The following ZNF284 variants were observed in gnomAD, a reference collection of about 807,000 sequenced individuals.
ZNF284 encodes the protein zinc finger protein 284.
Under a neutral mutation model 12.9 loss-of-function variants are expected in ZNF284, and 12 were observed. The ratio of observed to expected loss-of-function variants is 0.93; its 90% confidence interval spans 0.60 to 1.51. ZNF284 has a LOEUF of 1.51. ZNF284 is among the 40% of genes most tolerant of loss of function. The pLI is 0.00. For synonymous variants in ZNF284, 225 were observed against 236.5 expected (o/e 0.95, Z 0.45); for missense variants, 667 against 707.3 (o/e 0.94, Z 0.65).
intron 2 of ZNF284, among the ~76,000 whole-genome samples, chr19:44,077,535 C>CTTT (rs763788955): frequency 7.9e-5 from 6 of 76,202 alleles, no homozygotes; most frequent in South Asian, 4.8e-4. Flanking sequence ...ATTTTTCTGT[C>CTTT]TTTTTTTTTT....
Position 44,084,927 on chromosome 19 carries a change from C to T in ZNF284, c.236-787C>T, listed in dbSNP as rs564398909. 1.7e-4 allele frequency among the ~76,000 whole-genome samples: 26 copies of T among 152,250 alleles called. 1 individual carries two copies. In the East Asian group the frequency reaches 4.5e-3, roughly 26 times the overall value. On this transcript the variant is annotated intron_variant, in intron 4 of 4. Transcript: ENST00000421176. ...TGCCATTGCATGGACTCCAGGTAGC[C>T]CCCTGTGCTAGTCTCAGGGCCCACA...
intron 2 of ZNF284, among the ~76,000 whole-genome samples, chr19:44,078,433 TTTAA>T (rs1967068063): frequency 6.6e-6 from 1 of 152,216 alleles, no homozygotes; most frequent in Non-Finnish European, 1.5e-5. Context: ...TTTTTGACAC[TTTAA>T]TTTTCATTTG....
intron 1 of ZNF284, among the ~76,000 whole-genome samples, chr19:44,075,449 T>C (rs1434297824): frequency 2.0e-5 from 3 of 152,224 alleles, no homozygotes; most frequent in Admixed American, 6.5e-5. Flanking sequence ...AGATGTCCTT[T>C]TCATTGCAAC....
intron 4 of ZNF284, chr19:44,085,290 G>A (rs1967211967): frequency 6.2e-6 from 1 of 160,466 alleles, no homozygotes; most frequent in Non-Finnish European, 1.4e-5. Flanking sequence ...CATATGTGCT[G>A]CTGAAGTGAG....
At chr19:44,076,484 A>C (rs1967029607) in intron 2 of ZNF284, 80 bp downstream of exon 2, 1 of 1,485,988 alleles carries the variant, frequency 6.7e-7, no homozygotes. Flanking sequence ...CGGTCTTGGG[A>C]AGACTCAAGG....
chr19:44,086,193 A>G lies in ZNF284; in HGVS notation c.715A>G (p.Ser239Gly). The change falls in exon 5 of 5, where the codon AGT becomes GGT. Residue 239 changes from serine to glycine, a missense_variant. Transcript: ENST00000421176. ...ATTCAAATGTGAGCAGTGTGGGAAA[A>G]GTTTCAGCCGTAGATCAGGAATGTA... Reference protein sequence around the residue: ...KPFKCEQCGKSFSRRSGMYVH... With the variant: ...KPFKCEQCGKGFSRRSGMYVH... 6.2e-7 allele frequency: 1 copy of G among 1,614,196 alleles called. No individual in the cohort carries two copies. The highest frequency in any genetic ancestry group is 8.5e-7 in the Non-Finnish European group (1 of 1,180,028).
rs1967234482 is a variant in ZNF284, at chr19:44,086,050, G to A, written c.572G>A (p.Cys191Tyr). 6.2e-7 allele frequency: 1 copy of A among 1,614,128 alleles called. No individual in the cohort carries two copies. The highest frequency in any genetic ancestry group is 1.3e-5 in the African/African-American group (1 of 75,044). ...AGATTCTGTTATAGCTCAGCTCTTT[G>A]TCTTCATCAGAAAGTTCACATGGGA... ...RKRFCYSSAL[C>Y]LHQKVHMGEK... Residue 191 changes from cysteine (C) to tyrosine (Y), a missense_variant, in exon 5 of 5, where the codon TGT becomes TAT. Physicochemically the swap from Cys to Tyr is radical, Grantham distance 194. Transcript: ENST00000421176.
chr19:44,083,474 T>TATATATATATATATATATAGAGAG (rs746837013), intron 4 of ZNF284, among the ~76,000 whole-genome samples: 3 of 64,924 alleles, frequency 4.6e-5, no homozygotes, highest in African/African-American at 1.5e-4. Context: ...TATATATATA[T>TATATATATATATATATATAGAGAG]AGAGAGAGAG....
chr19:44,087,822 C>CAATG lies in ZNF284; in HGVS notation c.*563_*566dup, dbSNP rs1967289397. On this transcript the variant is annotated 3_prime_UTR_variant, in exon 5 of 5. Coordinates refer to ENST00000421176, the MANE Select transcript of ZNF284 (RefSeq NM_001037813.4). ...TCGCTCTGTCGCCCAGTATGGAGTGCAATGGCTTGATCTCGGCTCACTGCA... is the reference window on the plus strand; with the variant it reads ...TCGCTCTGTCGCCCAGTATGGAGTGCAATGAATGGCTTGATCTCGGCTCACTGCA... 6.8e-6 allele frequency: 1 copy of CAATG among 146,778 alleles called. No homozygotes were observed. The highest frequency in any genetic ancestry group is 2.5e-5 in the African/African-American group (1 of 39,272). 9.1% of individuals were successfully genotyped at this position (146,778 alleles called of 1,614,324 possible).
Position 44,087,284 on chromosome 19 carries a change from C to T in ZNF284, c.*24C>T, listed in dbSNP as rs1459320044. On this transcript the variant is annotated 3_prime_UTR_variant, in exon 5 of 5. Transcript: ENST00000421176. ...AATTATTGTCCATATTTATGGGTTA[C>T]AGCATATTTCAATACATGTATACAA... is the stretch of plus-strand genomic sequence containing the variant. The T allele has an allele frequency of 8.3e-6, 12 of 1,446,466 alleles. No individual in the cohort carries two copies. The highest frequency in any genetic ancestry group is 1.1e-5 in the Non-Finnish European group (12 of 1,079,412). 89.6% of individuals were successfully genotyped at this position (1,446,466 alleles called of 1,614,324 possible). A position where few individuals can be genotyped will look rare whatever the true frequency, so the allele number is the denominator to read the frequency against.
At chr19:44,083,472 T>TAGAGAGAGAG (rs1435032212) in intron 4 of ZNF284, among the ~76,000 whole-genome samples, 6 of 64,608 alleles carry the variant, frequency 9.3e-5, no homozygotes, top group East Asian at 6.7e-4. Flanking sequence ...TATATATATA[T>TAGAGAGAGAG]ATAGAGAGAG....
intron 1 of ZNF284, 30 bp downstream of exon 1, chr19:44,072,321 T>TTCTTGTCAGCGGAGCCTTCTTGG (rs1335853120): frequency 6.6e-6 from 1 of 152,178 alleles, no homozygotes; most frequent in Non-Finnish European, 1.5e-5. Context: ...TCTCTTTTCG[T>TTCTTGTCAGCGGAGCCTTCTTGG]TCTTGTCAGC....
At position 44,087,381 on chromosome 19, in the gene ZNF284, C is replaced by T. The variant is rs1967279339; in HGVS notation, c.*121C>T. 5 of 848,266 alleles carry T rather than the reference C, an allele frequency of 5.9e-6. No homozygotes were observed. The highest frequency in any genetic ancestry group is 8.5e-6 in the Non-Finnish European group (5 of 586,654). 52.5% of individuals were successfully genotyped at this position (848,266 alleles called of 1,614,324 possible). A position where few individuals can be genotyped will look rare whatever the true frequency, so the allele number is the denominator to read the frequency against. On this transcript the variant is annotated 3_prime_UTR_variant, in exon 5 of 5. Coordinates refer to ENST00000421176, the MANE Select transcript of ZNF284 (RefSeq NM_001037813.4). ...TATCATTTATTTGTGGATCATTTAT[C>T]ATTTCTTTGTGCTTTGAACGTTCAA...
At position 44,088,500 on chromosome 19, in the gene ZNF284, T is replaced by C. The variant is rs1967299572; in HGVS notation, c.*1240T>C. On this transcript the variant is annotated 3_prime_UTR_variant, in exon 5 of 5. Transcript: ENST00000421176. ...ACTATAATAAATATAGGAGTGCAGA[T>C]AGGAGTTCAACACACTGATTTCCTT... is the stretch of plus-strand genomic sequence containing the variant. 6.6e-6 allele frequency: 1 copy of C among 152,214 alleles called. No homozygotes were observed. Among genetic ancestry groups the C allele is most frequent in the Non-Finnish European group, 1.5e-5 (1 of 68,044 alleles). 9.4% of individuals were successfully genotyped at this position (152,214 alleles called of 1,614,324 possible).
In ZNF284 at chr19:44,089,226, A is replaced by G. The variant is rs1318433256; in HGVS notation, c.*1966A>G. On this transcript the variant is annotated 3_prime_UTR_variant, in exon 5 of 5. Transcript: ENST00000421176. ...CCTATAGCCTCGAACTCCTGGGCCTAAGTGATCCTCTTGCTTCAATCCCCT... is the reference window on the plus strand; with the variant it reads ...CCTATAGCCTCGAACTCCTGGGCCTGAGTGATCCTCTTGCTTCAATCCCCT... The G allele has an allele frequency of 1.3e-5, 2 of 151,932 alleles. No individual in the cohort carries two copies. Among genetic ancestry groups the G allele is most frequent in the African/African-American group, 4.8e-5 (2 of 41,328 alleles). The allele number at this position is 151,932 out of a possible 1,614,324, so 9.4% of individuals were successfully genotyped here.
chr19:44,079,706 CA>C (rs888480023), intron 2 of ZNF284, among the ~76,000 whole-genome samples: 16 of 149,958 alleles, frequency 1.1e-4, no homozygotes, highest in Admixed American at 9.3e-4. Flanking sequence ...GACTCCATCT[CA>C]AAAAAAACAA....
intron 2 of ZNF284, among the ~76,000 whole-genome samples, chr19:44,080,447 A>G (rs1351084643): frequency 6.6e-6 from 1 of 152,146 alleles, no homozygotes; most frequent in East Asian, 1.9e-4. Flanking sequence ...TTAGCTGGGC[A>G]TGGTGGCAGG....
In ZNF284 at chr19:44,087,220, AT is replaced by A; in HGVS notation, c.1743del (p.Leu582Ter). ...GGGAAGCGCTACGAGAGGCGCTTGA[AT>A]CTAGATATGATTTTATCATTATTTT... ...DCGKRYERRL[N>X]LDMILSLFLN... On this transcript the variant is annotated frameshift_variant, in exon 5 of 5. Coordinates refer to ENST00000421176, the MANE Select transcript of ZNF284 (RefSeq NM_001037813.4). LOFTEE classifies it high-confidence loss of function. The A allele has an allele frequency of 6.3e-7, 1 of 1,593,832 alleles. No individual in the cohort carries two copies. The highest frequency in any genetic ancestry group is 1.8e-5 in the Admixed American group (1 of 56,130).
intron 1 of ZNF284, among the ~76,000 whole-genome samples, chr19:44,074,612 C>T (rs1206142722): frequency 6.6e-6 from 1 of 152,004 alleles, no homozygotes; most frequent in African/African-American, 2.4e-5. Context: ...TGTGGGGTGT[C>T]TTGGTAAGAG....
Sources: gnomAD v4.1 joint callset for allele counts (sites outside exome capture counted in the v4.1 genomes callset) on GRCh38, gnomAD v4.1.1 for gene constraint, MANE v1.5 for transcripts, NCBI Gene and HGNC (gene_info 2026-07-23, HGNC 2026-07-21) for gene names.